BCL11B: variants seen among roughly 807,000 people sequenced by gnomAD.
The protein encoded by BCL11B is BCL11 transcription factor B.
A neutral mutation model predicts 49.9 loss-of-function variants in BCL11B; 8 were observed. That is an observed-to-expected ratio of 0.16 (90% CI 0.09 to 0.29). BCL11B has a LOEUF of 0.29. BCL11B is among the 10% of genes least tolerant of loss of function. BCL11B has a pLI of 1.00. For synonymous variants in BCL11B, 739 were observed against 637.4 expected, an observed-to-expected ratio of 1.16 and a Z score of -2.40; for missense variants, 1,006 against 1,351.0, an observed-to-expected ratio of 0.74 and a Z score of 4.00.
Position 99,271,505 on chromosome 14 carries a change from G to T in BCL11B, c.-287C>A. ...AGAAAAACCTCTCGATCTAAAATAAGAAAAAGAGGCAAAAAAAAAAAAAAC... is the reference window on the plus strand; with the variant it reads ...AGAAAAACCTCTCGATCTAAAATAATAAAAAGAGGCAAAAAAAAAAAAAAC... On this transcript the variant is annotated 5_prime_UTR_variant, in exon 1 of 4. Transcript: ENST00000357195. 1 of 154,942 alleles carries T rather than the reference G, an allele frequency of 6.5e-6. No homozygotes were observed. The highest frequency in any genetic ancestry group is 9.6e-5 in the East Asian group (1 of 10,440). 9.6% of individuals were successfully genotyped at this position (154,942 alleles called of 1,614,324 possible).
intron 2 of BCL11B, among the ~76,000 whole-genome samples, chr14:99,233,866 G>A (rs961531544): frequency 1.3e-5 from 2 of 152,158 alleles, no homozygotes; most frequent in Non-Finnish European, 2.9e-5. Context: ...CCAGGGACCG[G>A]CTCAACTGAG....
chr14:99,240,905 T>G (rs1018724570), intron 2 of BCL11B, among the ~76,000 whole-genome samples: 3 of 152,248 alleles, frequency 2.0e-5, no homozygotes. Context: ...CGCTATTTAA[T>G]GTAATTAAAG....
chr14:99,236,853 T>C (rs191043707), intron 2 of BCL11B, among the ~76,000 whole-genome samples: 1 of 152,312 alleles, frequency 6.6e-6, no homozygotes, highest in African/African-American at 2.4e-5. Context: ...CCACCATGGG[T>C]TCACATTGAA....
rs1237635220 is a variant in BCL11B at position 99,192,685 on chromosome 14, C to G, written c.641-16490G>C. Among the ~76,000 whole-genome samples the G allele has an allele frequency of 2.0e-5, 3 of 152,190 alleles. No homozygotes were observed. The highest frequency in any genetic ancestry group is 4.4e-5 in the Non-Finnish European group (3 of 68,046). On this transcript the variant is annotated intron_variant, in intron 3 of 3. Coordinates refer to ENST00000357195, the MANE Select transcript of BCL11B (RefSeq NM_138576.4). This position sits in a 1 kb window ranked among gnomAD's most constrained non-coding sequence, Gnocchi z 4.0. Reference sequence around the variant, plus strand: ...TGTGGGCCAGAAAGATCTGATTCTCCTGCTTCCTAGCCTTGGCTGAACATG... The same window carrying G: ...TGTGGGCCAGAAAGATCTGATTCTCGTGCTTCCTAGCCTTGGCTGAACATG...
rs1452750233 is a variant in BCL11B at position 99,174,301 on chromosome 14, C to A, written c.2535G>T (p.Thr845=). The change falls in exon 4 of 4, where the codon ACG becomes ACT. Residue 845 remains threonine, a synonymous_variant. Transcript: ENST00000357195. ...QSSKLTRHMK[T]HGQIGKEVYR... ...ACACCTCCTTGCCGATCTGCCCGTG[C>A]GTCTTCATGTGGCGCGTGAGCTTGC... 6.2e-7 allele frequency: 1 copy of A among 1,613,356 alleles called. No individual in the cohort carries two copies. The highest frequency in any genetic ancestry group is 1.3e-5 in the African/African-American group (1 of 74,948).
In BCL11B at chr14:99,175,647, G is replaced by A; in HGVS notation, c.1189C>T (p.Pro397Ser). 1 of 1,561,530 alleles carries A rather than the reference G, an allele frequency of 6.4e-7. No individual in the cohort carries two copies. The highest frequency in any genetic ancestry group is 8.6e-7 in the Non-Finnish European group (1 of 1,163,604). Residue 397 changes from proline (P) to serine (S), a missense_variant, in exon 4 of 4, where the codon CCC (proline) becomes TCC (serine). Pro to Ser is a moderately conservative substitution (Grantham distance 74). Coordinates refer to ENST00000357195, the MANE Select transcript of BCL11B (RefSeq NM_138576.4). ...PMHRLLNPFQ[P>S]SPKSPFLSTP... ...CTCAGGAACGGGGACTTGGGGCTGG[G>A]CTGGAAGGGGTTCAGGAGCCGGTGC...
At chr14:99,269,143 T>TCCCCC (rs1566838293) in intron 1 of BCL11B, among the ~76,000 whole-genome samples, 1 of 122,864 alleles carries the variant, frequency 8.1e-6, no homozygotes, top group Non-Finnish European at 1.7e-5. Flanking sequence ...CCCCATCCAC[T>TCCCCC]CCCCCTTCCC....
chr14:99,180,710 C>T (rs974806163), intron 3 of BCL11B, among the ~76,000 whole-genome samples: 2 of 152,084 alleles, frequency 1.3e-5, no homozygotes, highest in African/African-American at 2.4e-5. Flanking sequence ...GGGGTTTGCA[C>T]GTTTTGTTTT....
rs1439205040 is a variant in BCL11B at position 99,205,332 on chromosome 14, G to A, written c.640+26013C>T. Among the ~76,000 whole-genome samples the A allele has an allele frequency of 1.2e-4, 19 of 152,138 alleles. No homozygotes were observed. The South Asian group carries it at 1.5e-3, about 12-fold the overall frequency. On this transcript the variant is annotated intron_variant, in intron 3 of 3. Coordinates refer to ENST00000357195, the MANE Select transcript of BCL11B (RefSeq NM_138576.4). The surrounding 1 kb of genome is among the most constrained non-coding windows in gnomAD (Gnocchi z 5.0). ...TCCGGGGACAGTCCCTAACTGAGAC[G>A]GCCCAGGCCAGCAGGGCCAGTGGAG...
At chr14:99,258,785 G>GA (rs1380127261) in intron 1 of BCL11B, among the ~76,000 whole-genome samples, 1 of 152,156 alleles carries the variant, frequency 6.6e-6, no homozygotes, top group Non-Finnish European at 1.5e-5. Flanking sequence ...AAAAATGAAA[G>GA]AAAGAAAATT....
chr14:99,173,577 T>TAAAA lies in BCL11B; in HGVS notation c.*570_*573dup. ...ACCAAAAAAAAAATTAAAAAATAAT[T>TAAAA]AAAAAAAAAACTGCATGCCACTTTT... On this transcript the variant is annotated 3_prime_UTR_variant, in exon 4 of 4. Transcript: ENST00000357195. 5.6e-6 allele frequency: 1 copy of TAAAA among 179,958 alleles called. No homozygotes were observed. Among genetic ancestry groups the TAAAA allele is most frequent in the Non-Finnish European group, 1.1e-5 (1 of 88,116 alleles). 11.1% of individuals were successfully genotyped at this position (179,958 alleles called of 1,614,324 possible).
intron 3 of BCL11B, among the ~76,000 whole-genome samples, chr14:99,187,956 G>C (rs1286031363): frequency 6.6e-6 from 1 of 152,178 alleles, no homozygotes; most frequent in East Asian, 1.9e-4. Flanking sequence ...TAGCTCCAAG[G>C]AGATAATTGA....
chr14:99,250,160 T>G (rs1888965875), intron 2 of BCL11B, among the ~76,000 whole-genome samples: 1 of 150,064 alleles, frequency 6.7e-6, no homozygotes, highest in Non-Finnish European at 1.5e-5. Flanking sequence ...CTCAGCCTCC[T>G]GAGTAGCTGG....
chr14:99,261,162 G>A (rs1889325902), intron 1 of BCL11B, among the ~76,000 whole-genome samples: 1 of 152,160 alleles, frequency 6.6e-6, no homozygotes, highest in Non-Finnish European at 1.5e-5. Context: ...ACATCAGGCA[G>A]CAGAGTCACC....
chr14:99,221,131 C>A (rs769203845), intron 3 of BCL11B, among the ~76,000 whole-genome samples: 1 of 152,204 alleles, frequency 6.6e-6, no homozygotes, highest in African/African-American at 2.4e-5. Context: ...GCTGGGATTA[C>A]AGGCGTGAGC....
chr14:99,271,225 G>A lies in BCL11B; in HGVS notation c.-7C>T, dbSNP rs1295367717. On this transcript the variant is annotated 5_prime_UTR_variant, in exon 1 of 4. Transcript: ENST00000357195. ...CCTGTTTGCGGCGGGACATTGCCCC[G>A]GCATCTATTCTGGCATCGCCCGGAG... 12 of 1,522,906 alleles carry A rather than the reference G, an allele frequency of 7.9e-6. No individual in the cohort carries two copies. The highest frequency in any genetic ancestry group is 2.9e-5 in the African/African-American group (2 of 70,012). 94.3% of individuals were successfully genotyped at this position (1,522,906 alleles called of 1,614,324 possible).
rs1886353869 is a variant in BCL11B, at chr14:99,173,404, A to G, written c.*747T>C. ...CCACCACTCAAGGTTTCCCTTATGTAATATGAAAGCCGAAATCAACACAGA... is the reference window on the plus strand; with the variant it reads ...CCACCACTCAAGGTTTCCCTTATGTGATATGAAAGCCGAAATCAACACAGA... On this transcript the variant is annotated 3_prime_UTR_variant, in exon 4 of 4. Coordinates refer to ENST00000357195, the MANE Select transcript of BCL11B (RefSeq NM_138576.4). 1 of 218,918 alleles carries G rather than the reference A, an allele frequency of 4.6e-6. No homozygotes were observed. The highest frequency in any genetic ancestry group is 9.2e-6 in the Non-Finnish European group (1 of 108,922). The allele number at this position is 218,918 out of a possible 1,614,324, so 13.6% of individuals were successfully genotyped here.
At chr14:99,185,216 C>T (rs544738932) in intron 3 of BCL11B, among the ~76,000 whole-genome samples, 1 of 152,206 alleles carries the variant, frequency 6.6e-6, no homozygotes, top group Admixed American at 6.5e-5. Context: ...GTGGGCGGAT[C>T]ACCTGAGGTC....
chr14:99,262,266 G>A lies in BCL11B; in HGVS notation c.59-4427C>T, dbSNP rs1889357685. Among the ~76,000 whole-genome samples the A allele has an allele frequency of 6.6e-6, 1 of 152,194 alleles. No individual in the cohort carries two copies. The highest frequency in any genetic ancestry group is 1.5e-5 in the Non-Finnish European group (1 of 68,038). On this transcript the variant is annotated intron_variant, in intron 1 of 3. Transcript: ENST00000357195. This position sits in a 1 kb window ranked among gnomAD's most constrained non-coding sequence, Gnocchi z 4.2. Reference sequence around the variant, plus strand: ...ACAACTGCCCATGCACCTGCCCTTAGGGGAACTCCAGCCGAGAGGTCTGCT... The same window carrying A: ...ACAACTGCCCATGCACCTGCCCTTAAGGGAACTCCAGCCGAGAGGTCTGCT...
Sources: gnomAD v4.1 joint callset for allele counts (sites outside exome capture counted in the v4.1 genomes callset) on GRCh38, gnomAD v4.1.1 for gene constraint, Gnocchi (gnomAD v3.1) non-coding constraint, MANE v1.5 for transcripts, NCBI Gene and HGNC (gene_info 2026-07-23, HGNC 2026-07-21) for gene names.